The following CYP39A1 variants were observed in gnomAD, a reference collection of about 807,000 sequenced individuals.
CYP39A1 encodes 24-hydroxycholesterol 7-alpha-hydroxylase.
A neutral mutation model predicts 58.1 loss-of-function variants in CYP39A1; 49 were observed. The observed-to-expected ratio is 0.84, with a 90% CI of 0.67 to 1.07. CYP39A1 has a LOEUF of 1.07. Among genes scored for constraint, CYP39A1 ranks in the 50% least tolerant of loss-of-function variants. The probability of loss-of-function intolerance (pLI) is 0.00; values close to 1 mark genes in which losing one functional copy is unlikely to be tolerated. For synonymous variants in CYP39A1, 209 were observed against 187.6 expected (o/e 1.11, Z -0.93); for missense variants, 531 against 539.4 (o/e 0.98, Z 0.16).
chr6:46,565,784 T>G (rs1490083933), intron 10 of CYP39A1, among the ~76,000 whole-genome samples: 2 of 152,114 alleles, frequency 1.3e-5, no homozygotes, highest in African/African-American at 2.4e-5. Context: ...CATGGCAGGA[T>G]CCAGTCAGAT....
At chr6:46,572,601 C>T (rs1387411972) in intron 10 of CYP39A1, among the ~76,000 whole-genome samples, 1 of 152,032 alleles carries the variant, frequency 6.6e-6, no homozygotes, top group Non-Finnish European at 1.5e-5. Flanking sequence ...ATTTCTTTGT[C>T]TTTGACTTTT....
intron 10 of CYP39A1, 110 bp downstream of exon 10, chr6:46,586,967 C>T (rs1772503494): frequency 1.4e-6 from 1 of 724,722 alleles, no homozygotes; most frequent in Non-Finnish European, 2.4e-6. Context: ...TTCTGGATTT[C>T]CCTATAGTTT....
intron 7 of CYP39A1, among the ~76,000 whole-genome samples, chr6:46,621,349 T>G (rs1000175868): frequency 6.6e-6 from 1 of 152,014 alleles, no homozygotes; most frequent in Non-Finnish European, 1.5e-5. Flanking sequence ...CAAAAATCAC[T>G]AGGAAAAATA....
At chr6:46,652,011 A>T (rs1762723838) in intron 1 of CYP39A1, among the ~76,000 whole-genome samples, 1 of 152,234 alleles carries the variant, frequency 6.6e-6, no homozygotes, top group South Asian at 2.1e-4. Flanking sequence ...AGCAATTTGT[A>T]CAATACTTTG....
At chr6:46,636,535 A>T in intron 4 of CYP39A1, 53 bp from the exon 5 acceptor site, 1 of 1,122,072 alleles carries the variant, frequency 8.9e-7, no homozygotes, top group Non-Finnish European at 1.3e-6. Context: ...TTTAGGAATA[A>T]CAGGTCACAG....
intron 1 of CYP39A1, among the ~76,000 whole-genome samples, chr6:46,642,927 C>T (rs1776432824): frequency 6.6e-6 from 1 of 152,330 alleles, no homozygotes; most frequent in Non-Finnish European, 1.5e-5. Flanking sequence ...TGCACCCATT[C>T]TCCATGCGTT....
chr6:46,563,273 C>A (rs1771079581), intron 10 of CYP39A1, among the ~76,000 whole-genome samples: 1 of 152,082 alleles, frequency 6.6e-6, no homozygotes. Context: ...TTTACAGAAG[C>A]TCTTCAGAAG....
intron 1 of CYP39A1, among the ~76,000 whole-genome samples, chr6:46,649,191 T>C (rs2150613666): frequency 6.6e-6 from 1 of 152,370 alleles, no homozygotes; most frequent in East Asian, 1.9e-4. Flanking sequence ...GGCTACTGGA[T>C]TGAAGACTTT....
chr6:46,574,379 G>A (rs1308381377), intron 10 of CYP39A1, among the ~76,000 whole-genome samples: 1 of 152,194 alleles, frequency 6.6e-6, no homozygotes, highest in Non-Finnish European at 1.5e-5. Flanking sequence ...TCTTAGGGAA[G>A]TGTTCCATCT....
Position 46,639,524 on chromosome 6 carries a change from T to G in CYP39A1, c.458A>C (p.His153Pro). The change falls in exon 3 of 12, where the codon CAT becomes CCT. Residue 153 changes from histidine to proline, a missense_variant. Physicochemically the swap from His to Pro is moderately conservative, Grantham distance 77. Coordinates refer to ENST00000275016, the MANE Select transcript of CYP39A1 (RefSeq NM_016593.5). ...LHEQLENLGT[H>P]GTMDLNNLVR... is the part of the protein sequence containing the mutation. ...TAAGTTGTTCAGGTCCATTGTCCCA[T>G]GAGTGCCTAAATTCTCCAGTTGTTC... is the stretch of plus-strand genomic sequence containing the variant. 1 of 1,614,118 alleles carries G rather than the reference T, an allele frequency of 6.2e-7. No individual in the cohort carries two copies. Among genetic ancestry groups the G allele is most frequent in the Non-Finnish European group, 8.5e-7 (1 of 1,179,994 alleles).
Position 46,557,596 on chromosome 6 carries a change from T to C in CYP39A1, c.1251-3742A>G, listed in dbSNP as rs1006104890. On this transcript the variant is annotated intron_variant, in intron 10 of 11. Transcript: ENST00000275016. ...AGGAGGAGGTTGCACGGAGCCAAGA[T>C]TGTGCCACTACACTCCAGCCTGGGC... is the stretch of plus-strand genomic sequence containing the variant. Among the ~76,000 whole-genome samples the C allele has an allele frequency of 2.7e-5, 4 of 149,572 alleles. No homozygotes were observed. The South Asian group carries it at 6.3e-4, about 24-fold the overall frequency.
intron 7 of CYP39A1, among the ~76,000 whole-genome samples, chr6:46,614,272 A>G (rs1460375543): frequency 6.6e-6 from 1 of 152,168 alleles, no homozygotes; most frequent in Non-Finnish European, 1.5e-5. Context: ...CTCTCTAAAT[A>G]AGGTAAATAA....
At chr6:46,634,370 G>C (rs999248950) in intron 5 of CYP39A1, among the ~76,000 whole-genome samples, 2 of 152,038 alleles carry the variant, frequency 1.3e-5, no homozygotes, top group African/African-American at 4.8e-5. Context: ...CCCAGTCTCG[G>C]GTATGTCTTT....
chr6:46,644,147 C>T (rs1356484373), intron 1 of CYP39A1, among the ~76,000 whole-genome samples: 1 of 152,150 alleles, frequency 6.6e-6, no homozygotes, highest in African/African-American at 2.4e-5. Flanking sequence ...CTCCTACCTT[C>T]TCATTAATCC....
intron 8 of CYP39A1, among the ~76,000 whole-genome samples, chr6:46,594,508 C>T (rs1274134835): frequency 1.3e-5 from 2 of 152,008 alleles, no homozygotes; most frequent in African/African-American, 4.8e-5. Context: ...TAAATACACA[C>T]ATTTACAGTC....
chr6:46,618,131 C>T (rs1774724484), intron 7 of CYP39A1, among the ~76,000 whole-genome samples: 1 of 152,084 alleles, frequency 6.6e-6, no homozygotes, highest in African/African-American at 2.4e-5. Flanking sequence ...TCAGTTTTGG[C>T]CATAGCTAAG....
intron 7 of CYP39A1, among the ~76,000 whole-genome samples, chr6:46,618,468 A>G (rs911483536): frequency 6.6e-6 from 1 of 152,178 alleles, no homozygotes; most frequent in Admixed American, 6.6e-5. Context: ...ATTTGATAAC[A>G]AAGCAAAAAT....
At chr6:46,643,743 C>G (rs1776483135) in intron 1 of CYP39A1, among the ~76,000 whole-genome samples, 1 of 152,272 alleles carries the variant, frequency 6.6e-6, no homozygotes, top group South Asian at 2.1e-4. Flanking sequence ...AAAAGATGGT[C>G]ATGCACAGTG....
At chr6:46,552,727 G>T (rs1189523787) in intron 11 of CYP39A1, among the ~76,000 whole-genome samples, 2 of 151,936 alleles carry the variant, frequency 1.3e-5, no homozygotes, top group Non-Finnish European at 2.9e-5. Context: ...TACAACAGAG[G>T]TCCTCAAAGT....
Sources: allele counts gnomAD v4.1 joint callset (sites outside exome capture counted in the v4.1 genomes callset), GRCh38; gene constraint gnomAD v4.1.1; transcripts MANE v1.5; gene names NCBI Gene and HGNC (gene_info 2026-07-23, HGNC 2026-07-21).